The following GAB2 variants were observed in gnomAD, a reference collection of about 807,000 sequenced individuals.
GAB2 encodes GRB2-associated-binding protein 2.
In GAB2, 26 loss-of-function variants were observed where a neutral mutation model predicts 65.5. That is an observed-to-expected ratio of 0.40 (90% CI 0.29 to 0.55). GAB2 has a LOEUF of 0.55. Among genes scored for constraint, GAB2 ranks in the 20% least tolerant of loss-of-function variants. The pLI, the probability that GAB2 is intolerant of heterozygous loss-of-function variation, is 0.53. For missense variants in GAB2, 884 were observed against 875.8 expected (o/e 1.01, Z -0.12); for synonymous variants, 321 against 329.6 (o/e 0.97, Z 0.28).
chr11:78,235,141 C>A (rs1196938942), intron 3 of GAB2, among the ~76,000 whole-genome samples: 1 of 152,008 alleles, frequency 6.6e-6, no homozygotes, highest in Non-Finnish European at 1.5e-5. Flanking sequence ...TTGATTTTCT[C>A]CCCAGAAAAT....
At chr11:78,303,011 GAAAGA>G (rs1867074635) in intron 1 of GAB2, among the ~76,000 whole-genome samples, 1 of 152,046 alleles carries the variant, frequency 6.6e-6, no homozygotes, top group African/African-American at 2.4e-5. Context: ...AAAAGCAAAA[GAAAGA>G]ATGATGCAAT....
chr11:78,376,458 T>A (rs552828996), intron 1 of GAB2, among the ~76,000 whole-genome samples: 1 of 152,074 alleles, frequency 6.6e-6, no homozygotes, highest in Non-Finnish European at 1.5e-5. Flanking sequence ...GATGAAAAAA[T>A]TGAGACACAG....
At chr11:78,275,550 A>C (rs1474505194) in intron 2 of GAB2, among the ~76,000 whole-genome samples, 1 of 152,212 alleles carries the variant, frequency 6.6e-6, no homozygotes, top group Non-Finnish European at 1.5e-5. Flanking sequence ...CATGTGACTG[A>C]ATCTTTTAAC....
intron 3 of GAB2, among the ~76,000 whole-genome samples, chr11:78,231,453 G>T (rs1263929217): frequency 2.0e-5 from 3 of 152,044 alleles, no homozygotes; most frequent in Non-Finnish European, 4.4e-5. Flanking sequence ...GGTTCAAAGC[G>T]ATTCTCCTGC....
At chr11:78,374,643 C>G (rs1353940645) in intron 1 of GAB2, among the ~76,000 whole-genome samples, 1 of 152,184 alleles carries the variant, frequency 6.6e-6, no homozygotes, top group Non-Finnish European at 1.5e-5. Context: ...AATACTATCC[C>G]TATCTTTAAG....
At chr11:78,227,940 G>A (rs528275451) in intron 3 of GAB2, among the ~76,000 whole-genome samples, 1 of 152,332 alleles carries the variant, frequency 6.6e-6, no homozygotes, top group Non-Finnish European at 1.5e-5. Context: ...AAATCTATAT[G>A]AAGAATGGTT....
chr11:78,374,159 A>T (rs897386684), intron 1 of GAB2, among the ~76,000 whole-genome samples: 2 of 152,206 alleles, frequency 1.3e-5, no homozygotes, highest in African/African-American at 4.8e-5. Flanking sequence ...TTGACTGAAA[A>T]AGTCCAAGTT....
At chr11:78,273,916 ATATAAGACATGAC>A (rs879582479) in intron 2 of GAB2, among the ~76,000 whole-genome samples, 12 of 152,092 alleles carry the variant, frequency 7.9e-5, no homozygotes, top group Non-Finnish European at 1.8e-4. Flanking sequence ...GCTGCCACTG[ATATAAGACATGAC>A]TTGCTCCTCC....
At chr11:78,229,360 G>A (rs558371198) in intron 3 of GAB2, among the ~76,000 whole-genome samples, 1 of 152,308 alleles carries the variant, frequency 6.6e-6, no homozygotes, top group African/African-American at 2.4e-5. Flanking sequence ...GCTGAGAGAA[G>A]ACACTGGAGG....
At chr11:78,305,435 T>A (rs1016955888) in intron 1 of GAB2, among the ~76,000 whole-genome samples, 2 of 152,152 alleles carry the variant, frequency 1.3e-5, no homozygotes, top group African/African-American at 4.8e-5. Context: ...GAATCCTGAA[T>A]GTTTAGGCAG....
intron 1 of GAB2, among the ~76,000 whole-genome samples, chr11:78,385,571 G>C (rs550615756): frequency 2.6e-5 from 4 of 152,178 alleles, no homozygotes; most frequent in Non-Finnish European, 5.9e-5. Flanking sequence ...ATGAATGTGG[G>C]AAAATATTCA....
intron 1 of GAB2, among the ~76,000 whole-genome samples, chr11:78,363,356 T>C (rs1856458315): frequency 6.6e-6 from 1 of 152,210 alleles, no homozygotes; most frequent in Non-Finnish European, 1.5e-5. Context: ...CACACATTTG[T>C]ATCACTTCCC....
intron 1 of GAB2, among the ~76,000 whole-genome samples, chr11:78,350,564 TA>T: frequency 6.6e-6 from 1 of 152,340 alleles, no homozygotes; most frequent in South Asian, 2.1e-4. Flanking sequence ...TTTTCATTGT[TA>T]CACTATAAAT....
chr11:78,284,578 TG>T (rs1866423206), intron 1 of GAB2, among the ~76,000 whole-genome samples: 1 of 152,218 alleles, frequency 6.6e-6, no homozygotes, highest in Non-Finnish European at 1.5e-5. Flanking sequence ...AGTTGTTTCC[TG>T]GCCCTGGAAC....
intron 1 of GAB2, among the ~76,000 whole-genome samples, chr11:78,410,641 A>G (rs955461039): frequency 6.6e-6 from 1 of 152,260 alleles, no homozygotes; most frequent in Non-Finnish European, 1.5e-5. Flanking sequence ...ACTCACATGT[A>G]TGTAACAACT....
intron 1 of GAB2, among the ~76,000 whole-genome samples, chr11:78,348,175 A>AGAAGGGGAG (rs1299570135): frequency 6.6e-6 from 1 of 152,162 alleles, no homozygotes. Context: ...CAGAAGAGGT[A>AGAAGGGGAG]GAAGGGGAGG....
chr11:78,357,015 G>A (rs1856368326), intron 1 of GAB2, among the ~76,000 whole-genome samples: 1 of 152,168 alleles, frequency 6.6e-6, no homozygotes, highest in African/African-American at 2.4e-5. Flanking sequence ...GGGTAATAGG[G>A]AGTTTCTGTT....
At chr11:78,367,991 T>C (rs1856520425) in intron 1 of GAB2, among the ~76,000 whole-genome samples, 1 of 152,116 alleles carries the variant, frequency 6.6e-6, no homozygotes, top group African/African-American at 2.4e-5. Context: ...TAATTTTTTG[T>C]ATTTTTAGTA....
chr11:78,336,326 CAAAAAAAAAAAAAAAAAAAA>C (rs71046966), intron 1 of GAB2, among the ~76,000 whole-genome samples: 12 of 19,254 alleles, frequency 6.2e-4, no homozygotes, highest in East Asian at 2.3e-3. Flanking sequence ...GACTGTCTCT[CAAAAAAAAAAAAAAAAAAAA>C]AAAAAAAAAA....
Sources: gnomAD v4.1 joint callset for allele counts (sites outside exome capture counted in the v4.1 genomes callset) on GRCh38, gnomAD v4.1.1 for gene constraint, MANE v1.5 for transcripts, NCBI Gene and HGNC (gene_info 2026-07-23, HGNC 2026-07-21) for gene names.